IQSEC1: variants seen among roughly 807,000 people sequenced by gnomAD.
IQSEC1 encodes IQ motif and Sec7 domain ArfGEF 1, also known as IQ motif and SEC7 domain-containing protein 1.
In IQSEC1, 31 loss-of-function variants were observed where a neutral mutation model predicts 91.0. The observed-to-expected ratio is 0.34, with a 90% CI of 0.26 to 0.46. IQSEC1 has a LOEUF of 0.46. IQSEC1 is among the 20% of genes least tolerant of loss of function. The pLI is 1.00. For synonymous variants in IQSEC1, 699 were observed against 662.6 expected (o/e 1.05, Z -0.84); for missense variants, 1,388 against 1,575.6 (o/e 0.88, Z 2.02).
At chr3:13,177,102 G>C (rs144832329) in intron 1 of IQSEC1, among the ~76,000 whole-genome samples, 4 of 152,194 alleles carry the variant, frequency 2.6e-5, no homozygotes, top group African/African-American at 9.6e-5. Flanking sequence ...GGGCTGATGC[G>C]AATGTTCTGG....
At chr3:13,265,622 C>T (rs1179812362) in intron 1 of IQSEC1, among the ~76,000 whole-genome samples, 3 of 152,150 alleles carry the variant, frequency 2.0e-5, no homozygotes, top group Non-Finnish European at 4.4e-5. Context: ...CAGGCTTCTG[C>T]AAGCTCACAG....
At chr3:13,280,139 G>A (rs995523228) in intron 1 of IQSEC1, among the ~76,000 whole-genome samples, 12 of 152,218 alleles carry the variant, frequency 7.9e-5, no homozygotes, top group African/African-American at 2.7e-4. Flanking sequence ...GCTACGAGGG[G>A]TAGTATGACT....
At chr3:13,143,209 G>A (rs1300239741) in intron 2 of IQSEC1, among the ~76,000 whole-genome samples, 1 of 152,238 alleles carries the variant, frequency 6.6e-6, no homozygotes, top group Admixed American at 6.5e-5. Flanking sequence ...CACATGGAGG[G>A]CACTCAGTGC....
intron 1 of IQSEC1, among the ~76,000 whole-genome samples, chr3:13,233,173 G>A (rs894719641): frequency 2.0e-5 from 3 of 152,204 alleles, no homozygotes; most frequent in Admixed American, 2.0e-4. Flanking sequence ...GTCACGTGAG[G>A]TGCTCATTAG....
intron 2 of IQSEC1, among the ~76,000 whole-genome samples, chr3:13,128,244 C>T (rs916806270): frequency 1.3e-5 from 2 of 152,296 alleles, no homozygotes; most frequent in Admixed American, 1.3e-4. Flanking sequence ...TGTTCCCAGT[C>T]TTTGGGAGAA....
intron 1 of IQSEC1, among the ~76,000 whole-genome samples, chr3:13,045,270 T>C (rs1017169524): frequency 6.6e-6 from 1 of 152,218 alleles, no homozygotes; most frequent in African/African-American, 2.4e-5. Context: ...ATTTTCTCCA[T>C]AGCTCTTGTC....
In IQSEC1 at chr3:13,150,994, C is replaced by T. The variant is rs534745877; in HGVS notation, c.302+13110G>A. On this transcript the variant is annotated intron_variant, in intron 2 of 15. Coordinates refer to the IQSEC1 transcript ENST00000648114. ...GCCCTGTCATCCCAGGGGGGCTGCC[C>T]TCATCCTCCTGGGCCAGGATGGAGC... Among the ~76,000 whole-genome samples, 24 of 152,342 alleles carry T rather than the reference C, an allele frequency of 1.6e-4. 1 individual carries two copies. The South Asian group carries it at 4.8e-3, about 30-fold the overall frequency.
At chr3:13,201,629 C>A (rs1694248556) in intron 1 of IQSEC1, among the ~76,000 whole-genome samples, 1 of 152,228 alleles carries the variant, frequency 6.6e-6, no homozygotes, top group Non-Finnish European at 1.5e-5. Context: ...TGGGCCTTAG[C>A]CACCGTGCCC....
intron 3 of IQSEC1, among the ~76,000 whole-genome samples, chr3:12,925,473 GA>G (rs1697040296): frequency 6.6e-6 from 1 of 152,218 alleles, no homozygotes; most frequent in Non-Finnish European, 1.5e-5. Flanking sequence ...TGTAAACACT[GA>G]GGAAGTAGTC....
At chr3:13,105,679 T>C (rs895195443) in intron 2 of IQSEC1, among the ~76,000 whole-genome samples, 2 of 152,072 alleles carry the variant, frequency 1.3e-5, no homozygotes, top group African/African-American at 4.8e-5. Context: ...CTCCCTCCTC[T>C]AGCCTCAGCA....
chr3:13,283,157 C>CCCGCGCCG (rs1401751033), exon 1 of IQSEC1, among the ~76,000 whole-genome samples: 3 of 145,452 alleles, frequency 2.1e-5, no homozygotes, highest in Non-Finnish European at 4.6e-5. Flanking sequence ...CCTCCTGCTC[C>CCCGCGCCG]CCGCGCCGCC....
At chr3:13,045,705 G>A (rs547365598) in intron 1 of IQSEC1, among the ~76,000 whole-genome samples, 88 of 152,350 alleles carry the variant, frequency 5.8e-4, no homozygotes, top group African/African-American at 1.9e-3. Context: ...ACTGGCCGGC[G>A]GAGTGGACAA....
intron 2 of IQSEC1, among the ~76,000 whole-genome samples, chr3:13,122,683 C>T (rs1706445409): frequency 6.6e-6 from 1 of 152,170 alleles, no homozygotes; most frequent in South Asian, 2.1e-4. Flanking sequence ...AGGGACACAT[C>T]CCACCTGGTC....
intron 1 of IQSEC1, 51 bp downstream of exon 1, chr3:13,072,941 C>T (rs575891533): frequency 3.3e-5 from 50 of 1,497,978 alleles, no homozygotes; most frequent in African/African-American, 1.8e-4. Context: ...CCAGCTCAGC[C>T]GGGCCCCTCT....
chr3:12,984,800 T>A (rs1701641177), intron 1 of IQSEC1, among the ~76,000 whole-genome samples: 1 of 151,814 alleles, frequency 6.6e-6, no homozygotes, highest in Non-Finnish European at 1.5e-5. Flanking sequence ...CTATTAACAC[T>A]TTTAAAGCAA....
chr3:12,913,737 A>G (rs963802125), intron 8 of IQSEC1, among the ~76,000 whole-genome samples, 184 bp from the exon 9 acceptor site: 9 of 152,008 alleles, frequency 5.9e-5, no homozygotes, highest in Admixed American at 6.6e-5. Flanking sequence ...AGTTTCCCGT[A>G]CTCTGTTCTC....
At chr3:13,176,889 A>G (rs1156671908) in intron 1 of IQSEC1, among the ~76,000 whole-genome samples, 2 of 152,278 alleles carry the variant, frequency 1.3e-5, no homozygotes, top group Non-Finnish European at 2.9e-5. Context: ...CTGTTCACTC[A>G]TAAAAAGGAA....
chr3:13,138,474 C>T (rs182943261), intron 2 of IQSEC1, among the ~76,000 whole-genome samples: 4 of 152,208 alleles, frequency 2.6e-5, no homozygotes, highest in South Asian at 2.1e-4. Flanking sequence ...CACCTGAAGC[C>T]GGCCCAGCTC....
chr3:13,110,963 T>C (rs1203708658), intron 2 of IQSEC1, among the ~76,000 whole-genome samples: 1 of 151,976 alleles, frequency 6.6e-6, no homozygotes, highest in South Asian at 2.1e-4. Context: ...GTCACCCCCA[T>C]AAGAAAAAAC....
Sources: allele counts gnomAD v4.1 joint callset (sites outside exome capture counted in the v4.1 genomes callset), GRCh38; gene constraint gnomAD v4.1.1; transcripts MANE v1.5; gene names NCBI Gene and HGNC (gene_info 2026-07-23, HGNC 2026-07-21).